The following JAKMIP3 variants were observed in gnomAD, a reference collection of about 807,000 sequenced individuals.
JAKMIP3 encodes Janus kinase and microtubule interacting protein 3, also known as janus kinase and microtubule-interacting protein 3.
In JAKMIP3, 58 loss-of-function variants were observed where a neutral mutation model predicts 118.5. The ratio of observed to expected loss-of-function variants is 0.49; its 90% CI spans 0.40 to 0.61. The LOEUF is 0.61. JAKMIP3 is among the 20% of genes least tolerant of loss of function. JAKMIP3 has a pLI of 0.00. For missense variants in JAKMIP3, 950 were observed against 1,109.0 expected (o/e 0.86, Z 2.04); for synonymous variants, 486 against 451.2 (o/e 1.08, Z -0.98).
At chr10:132,077,288 C>T (rs1012879257) in intron 1 of JAKMIP3, among the ~76,000 whole-genome samples, 1 of 152,186 alleles carries the variant, frequency 6.6e-6, no homozygotes, top group Non-Finnish European at 1.5e-5. Context: ...AAAGAGGGTT[C>T]TGGGCAGGGG....
At chr10:132,148,483 CCACCCCCAAGGAGCCGGCACG>C (rs2055130334) in intron 14 of JAKMIP3, among the ~76,000 whole-genome samples, 1 of 95,934 alleles carries the variant, frequency 1.0e-5, no homozygotes, top group East Asian at 7.9e-4. Context: ...CGTCCTCCAT[CCACCCCCAAGGAGCCGGCACG>C]TCCGTCCTCC....
intron 16 of JAKMIP3, among the ~76,000 whole-genome samples, chr10:132,151,124 C>G (rs1407442496): frequency 2.0e-5 from 3 of 152,306 alleles, no homozygotes; most frequent in East Asian, 3.9e-4. Flanking sequence ...CTCCATCCAT[C>G]CTTCCTTCAT....
chr10:132,080,286 T>A (rs1194148305), intron 1 of JAKMIP3, among the ~76,000 whole-genome samples: 2 of 152,160 alleles, frequency 1.3e-5, no homozygotes, highest in African/African-American at 4.8e-5. Context: ...CCCTTACTAA[T>A]ACTTGTTATT....
intron 1 of JAKMIP3, among the ~76,000 whole-genome samples, chr10:132,097,844 A>G (rs2044110655): frequency 7.4e-6 from 1 of 134,288 alleles, no homozygotes; most frequent in African/African-American, 2.7e-5. Flanking sequence ...TAAGCTTCCT[A>G]TCACAGAGAT....
At chr10:132,166,921 A>G (rs900287944) in intron 21 of JAKMIP3, 62 bp from the exon 22 acceptor site, 7 of 1,182,920 alleles carry the variant, frequency 5.9e-6, no homozygotes, top group African/African-American at 1.5e-5. Context: ...TGCCAGAAGC[A>G]CTACAAACTC....
Position 132,145,555 on chromosome 10 carries a change from G to T in JAKMIP3, c.1724G>T (p.Arg575Leu). ...ATTGAAGAGAAGCAGGCACTGTACC[G>T]GAGAAATCAAGAGCTTGTGGAAAAG... The part of the protein sequence containing the change: ...KWIEEKQALY[R>L]RNQELVEKIK... Residue 575 changes from arginine to leucine, a missense_variant, in exon 13 of 24, where the codon CGG becomes CTG. Transcript: ENST00000684848. The T allele has an allele frequency of 6.4e-7, 1 of 1,565,250 alleles. No individual in the cohort carries two copies. The highest frequency in any genetic ancestry group is 1.2e-5 in the South Asian group (1 of 84,752).
chr10:132,045,534 G>A (rs901533478), intron 1 of JAKMIP3, among the ~76,000 whole-genome samples: 5 of 152,146 alleles, frequency 3.3e-5, no homozygotes, highest in South Asian at 2.1e-4. Context: ...AGGAGAGCCC[G>A]CGGTGTGAGC....
rs2047912111 is a variant in JAKMIP3, at chr10:132,117,637, AGGGGCGGGCGTGGGCGAGGGTGCAGGCG to A, written c.633+64_633+91del. 1.2e-5 allele frequency: 13 copies of A among 1,120,432 alleles called. No individual in the cohort carries two copies. Among genetic ancestry groups the A allele is most frequent in the Non-Finnish European group, 8.3e-6 (7 of 842,196 alleles). 69.4% of individuals were successfully genotyped at this position (1,120,432 alleles called of 1,614,324 possible). A position where few individuals can be genotyped will look rare whatever the true frequency, so the allele number is the denominator to read the frequency against. The stretch of plus-strand genomic sequence containing the variant: ...CAGGGGCGGGCGTGGGCGAGGGTGC[AGGGGCGGGCGTGGGCGAGGGTGCAGGCG>A]TGGGCTCGGGGAGCACGCGGGCAGC... On this transcript the variant is annotated intron_variant, in intron 3 of 23. Transcript: ENST00000684848. This position sits in a 1 kb window ranked among gnomAD's most constrained non-coding sequence, Gnocchi z 8.6.
intron 1 of JAKMIP3, among the ~76,000 whole-genome samples, chr10:132,078,982 GC>G (rs1475012426): frequency 6.6e-6 from 1 of 152,192 alleles, no homozygotes; most frequent in Non-Finnish European, 1.5e-5. Flanking sequence ...CTGGTGGGTG[GC>G]CCTGAAGGCT....
intron 1 of JAKMIP3, among the ~76,000 whole-genome samples, chr10:132,045,348 C>T (rs77451169): frequency 0.018 from 2,731 of 152,222 alleles, 85 homozygotes; most frequent in African/African-American, 0.061. Context: ...ATTTTGGGCG[C>T]GTCTCTGTCT....
chr10:132,114,441 T>G (rs2135259611), intron 2 of JAKMIP3, among the ~76,000 whole-genome samples: 2 of 152,276 alleles, frequency 1.3e-5, no homozygotes, highest in African/African-American at 4.8e-5. Flanking sequence ...CCCAGGCTGG[T>G]CTTGAACTCC....
At chr10:132,180,869 CTT>C (rs983291049) in intron 23 of JAKMIP3, among the ~76,000 whole-genome samples, 5 of 151,232 alleles carry the variant, frequency 3.3e-5, no homozygotes, top group African/African-American at 1.2e-4. Context: ...TGAGTGGTGT[CTT>C]TGGGCATGTG....
chr10:132,053,809 CAGATCACGAGGTCAGG>C (rs918166687), intron 1 of JAKMIP3, among the ~76,000 whole-genome samples: 6 of 151,710 alleles, frequency 4.0e-5, no homozygotes, highest in African/African-American at 1.5e-4. Flanking sequence ...CCGAGGCGGG[CAGATCACGAGGTCAGG>C]AGATCGAGAC....
At chr10:132,116,859 G>A (rs1188693507) in intron 2 of JAKMIP3, among the ~76,000 whole-genome samples, 9 of 144,440 alleles carry the variant, frequency 6.2e-5, no homozygotes, top group South Asian at 2.2e-4. Flanking sequence ...CATCATGGAC[G>A]CTCCCCCCGA....
chr10:132,059,322 G>A (rs7094803), intron 1 of JAKMIP3, among the ~76,000 whole-genome samples: 15,833 of 152,306 alleles, frequency 0.1, 890 homozygotes, highest in Middle Eastern at 0.18. Flanking sequence ...GACACTGTGC[G>A]CTGGCCACAG....
chr10:132,120,210 G>C (rs1344239471), intron 3 of JAKMIP3, among the ~76,000 whole-genome samples: 1 of 152,190 alleles, frequency 6.6e-6, no homozygotes, highest in African/African-American at 2.4e-5. Context: ...TTTATTTACT[G>C]TTTCGATGCT....
intron 1 of JAKMIP3, among the ~76,000 whole-genome samples, chr10:132,102,402 C>A (rs1441147780): frequency 6.6e-6 from 1 of 152,134 alleles, no homozygotes; most frequent in Non-Finnish European, 1.5e-5. Flanking sequence ...CCTGAGGGCA[C>A]CTTCCTCCCT....
intron 1 of JAKMIP3, among the ~76,000 whole-genome samples, chr10:132,077,995 A>G (rs2041098195): frequency 6.6e-6 from 1 of 152,174 alleles, no homozygotes; most frequent in South Asian, 2.1e-4. Flanking sequence ...TATTTTTAGT[A>G]GAGACGGGGT....
At chr10:132,170,563 G>C (rs760110684) in intron 23 of JAKMIP3, among the ~76,000 whole-genome samples, 8 of 152,180 alleles carry the variant, frequency 5.3e-5, no homozygotes, top group African/African-American at 9.7e-5. Context: ...TCTGGGACTT[G>C]GACATCCATG....
Sources: gnomAD v4.1 joint callset for allele counts (sites outside exome capture counted in the v4.1 genomes callset) on GRCh38, gnomAD v4.1.1 for gene constraint, Gnocchi (gnomAD v3.1) non-coding constraint, MANE v1.5 for transcripts, NCBI Gene and HGNC (gene_info 2026-07-23, HGNC 2026-07-21) for gene names.